The following SH3BP5 variants were observed in gnomAD, a reference collection of about 807,000 sequenced individuals.
SH3BP5 encodes the protein SH3 domain-binding protein 5.
SH3BP5 carries 22 observed loss-of-function variants against 43.3 expected under a neutral mutation model. That is an observed-to-expected ratio of 0.51 (90% CI 0.36 to 0.73). The LOEUF (loss-of-function observed/expected upper bound fraction) is 0.73. Among genes scored for constraint, SH3BP5 ranks in the 30% least tolerant of loss-of-function variants. The pLI is 0.00. For synonymous variants in SH3BP5, 255 were observed against 225.8 expected (o/e 1.13, Z -1.16); for missense variants, 529 against 586.9 (o/e 0.90, Z 1.02).
At chr3:15,317,702 T>C (rs1245855432) in intron 2 of SH3BP5, among the ~76,000 whole-genome samples, 1 of 152,146 alleles carries the variant, frequency 6.6e-6, no homozygotes, top group Non-Finnish European at 1.5e-5. Context: ...ACAAAGGTGG[T>C]TCAAAATTTA....
intron 2 of SH3BP5, among the ~76,000 whole-genome samples, chr3:15,305,491 G>T (rs1331571749): frequency 6.6e-6 from 1 of 152,234 alleles, no homozygotes; most frequent in African/African-American, 2.4e-5. Context: ...AAAAGTCAGT[G>T]CCAGGGTGGG....
intron 3 of SH3BP5, among the ~76,000 whole-genome samples, chr3:15,278,796 T>C (rs1697041255): frequency 6.6e-6 from 1 of 152,242 alleles, no homozygotes; most frequent in African/African-American, 2.4e-5. Context: ...TTCATCCATA[T>C]CAAATTTTAC....
chr3:15,274,329 T>A (rs561526097), intron 3 of SH3BP5, among the ~76,000 whole-genome samples: 1 of 152,250 alleles, frequency 6.6e-6, no homozygotes, highest in Non-Finnish European at 1.5e-5. Context: ...CGGCTCACAG[T>A]TCAGCAGGCT....
At chr3:15,318,521 T>C (rs1369198972) in intron 2 of SH3BP5, among the ~76,000 whole-genome samples, 1 of 142,378 alleles carries the variant, frequency 7.0e-6, no homozygotes, top group Non-Finnish European at 1.5e-5. Context: ...GTTTAGTTTC[T>C]GTCAGCTCCA....
chr3:15,288,680 C>CA (rs964733474), intron 3 of SH3BP5, among the ~76,000 whole-genome samples: 1 of 152,150 alleles, frequency 6.6e-6, no homozygotes, highest in African/African-American at 2.4e-5. Context: ...GCAGAGGTTG[C>CA]AGTGAGCCGG....
chr3:15,286,792 C>T (rs1376514774), intron 3 of SH3BP5, among the ~76,000 whole-genome samples: 3 of 152,190 alleles, frequency 2.0e-5, no homozygotes, highest in African/African-American at 7.2e-5. Context: ...GCGATCCACC[C>T]GCCTCAGCTT....
intron 3 of SH3BP5, among the ~76,000 whole-genome samples, chr3:15,277,902 G>T (rs1005020645): frequency 1.3e-5 from 2 of 152,280 alleles, no homozygotes; most frequent in Non-Finnish European, 2.9e-5. Context: ...AGGAAGGAAT[G>T]CCCCACTTTC....
chr3:15,262,356 A>G, intron 4 of SH3BP5, 67 bp from the exon 5 acceptor site: 2 of 1,536,364 alleles, frequency 1.3e-6, no homozygotes, highest in South Asian at 2.4e-5. Context: ...TATTACTTAT[A>G]TTATTTTTCA....
At chr3:15,265,518 A>T (rs1013985175) in intron 4 of SH3BP5, among the ~76,000 whole-genome samples, 46 of 81,128 alleles carry the variant, frequency 5.7e-4, no homozygotes, top group African/African-American at 2.1e-3. Context: ...TCCGTCACAC[A>T]CACACACACA....
intron 2 of SH3BP5, among the ~76,000 whole-genome samples, chr3:15,327,876 T>C (rs1261770084): frequency 6.6e-6 from 1 of 152,242 alleles, no homozygotes; most frequent in Non-Finnish European, 1.5e-5. Flanking sequence ...GTGTAAAATA[T>C]GCCAAAGATC....
chr3:15,302,448 A>G (rs2125109486), intron 3 of SH3BP5, among the ~76,000 whole-genome samples: 1 of 152,336 alleles, frequency 6.6e-6, no homozygotes, highest in Non-Finnish European at 1.5e-5. Context: ...GAAGGGTTTC[A>G]GGCAGCCACT....
At chr3:15,335,261 C>T (rs1698687568), upstream of SH3BP5, among the ~76,000 whole-genome samples, 1 of 151,624 alleles carries the variant, frequency 6.6e-6, no homozygotes. Flanking sequence ...GCCTGTAATC[C>T]CAGCTACTCG....
intron 3 of SH3BP5, among the ~76,000 whole-genome samples, chr3:15,303,167 T>C (rs1369503545): frequency 6.6e-6 from 1 of 152,200 alleles, no homozygotes; most frequent in Admixed American, 6.5e-5. Context: ...TCTTCCATCA[T>C]GTCATAAACA....
chr3:15,318,287 C>T (rs944594955), intron 2 of SH3BP5, among the ~76,000 whole-genome samples: 1 of 152,132 alleles, frequency 6.6e-6, no homozygotes, highest in Non-Finnish European at 1.5e-5. Context: ...GACATATATG[C>T]CAGGTACCAT....
At chr3:15,316,000 T>C (rs920774197) in intron 2 of SH3BP5, among the ~76,000 whole-genome samples, 1 of 152,104 alleles carries the variant, frequency 6.6e-6, no homozygotes, top group African/African-American at 2.4e-5. Context: ...ATTAATCTGG[T>C]CTACAACTTT....
intron 2 of SH3BP5, among the ~76,000 whole-genome samples, chr3:15,329,962 A>G (rs1461788742): frequency 6.6e-6 from 1 of 152,240 alleles, no homozygotes; most frequent in Non-Finnish European, 1.5e-5. Context: ...AGGCCTTCCC[A>G]GTCTAAACAG....
At chr3:15,306,964 C>T (rs1458824263) in intron 2 of SH3BP5, among the ~76,000 whole-genome samples, 1 of 152,162 alleles carries the variant, frequency 6.6e-6, no homozygotes, top group Non-Finnish European at 1.5e-5. Context: ...TGAGCCACGG[C>T]ACCCAGCCGA....
intron 2 of SH3BP5, among the ~76,000 whole-genome samples, chr3:15,316,908 G>T (rs1698200376): frequency 6.6e-6 from 1 of 152,242 alleles, no homozygotes; most frequent in South Asian, 2.1e-4. Context: ...CAGCTAGAAA[G>T]ACTGGGGGAC....
chr3:15,267,854 C>T (rs1286205355), intron 4 of SH3BP5, among the ~76,000 whole-genome samples: 1 of 152,170 alleles, frequency 6.6e-6, no homozygotes, highest in Non-Finnish European at 1.5e-5. Context: ...GTTTGTTTAT[C>T]TTTAAACAAC....
Sources: gnomAD v4.1 joint callset for allele counts (sites outside exome capture counted in the v4.1 genomes callset) on GRCh38, gnomAD v4.1.1 for gene constraint, MANE v1.5 for transcripts, NCBI Gene and HGNC (gene_info 2026-07-23, HGNC 2026-07-21) for gene names.